PCCA: variants seen among roughly 807,000 people sequenced by gnomAD.
PCCA encodes propionyl-CoA carboxylase alpha chain, mitochondrial.
Under a neutral mutation model 101.3 loss-of-function variants are expected in PCCA, and 74 were observed. The ratio of observed to expected loss-of-function variants is 0.73; its 90% CI spans 0.61 to 0.89. The LOEUF is 0.89. Among genes scored for constraint, PCCA ranks in the 40% least tolerant of loss-of-function variants. The pLI is 0.00. For synonymous variants in PCCA, 294 were observed against 313.6 expected (o/e 0.94, Z 0.66); for missense variants, 891 against 907.0 (o/e 0.98, Z 0.23).
At chr13:100,230,089 T>A (rs1329313200) in intron 7 of PCCA, among the ~76,000 whole-genome samples, 1 of 152,234 alleles carries the variant, frequency 6.6e-6, no homozygotes, top group African/African-American at 2.4e-5. Flanking sequence ...TTGATTGCGT[T>A]AATTTGCTAA....
At chr13:100,184,741 T>TA (rs1878429803) in intron 6 of PCCA, among the ~76,000 whole-genome samples, 2 of 152,250 alleles carry the variant, frequency 1.3e-5, no homozygotes, top group Non-Finnish European at 2.9e-5. Flanking sequence ...GGGAATTTCA[T>TA]GTAATTTTAA....
At chr13:100,264,832 C>T (rs1309967528) in intron 10 of PCCA, among the ~76,000 whole-genome samples, 4 of 152,088 alleles carry the variant, frequency 2.6e-5, no homozygotes, top group Non-Finnish European at 4.4e-5. Flanking sequence ...TCCATTGATG[C>T]CACCCCTGCC....
Position 100,425,633 on chromosome 13 carries a change from G to A in PCCA, c.1747G>A (p.Val583Met). The A allele has an allele frequency of 1.2e-6, 2 of 1,609,134 alleles. No homozygotes were observed. The highest frequency in any genetic ancestry group is 1.7e-6 in the Non-Finnish European group (2 of 1,175,448). ...VASNNGSVFS[V>M]EVDGSKLNVT... is the part of the protein sequence containing the mutation. The stretch of plus-strand genomic sequence containing the variant: ...ATGGTCTTATTTGGTGTCACAACAG[G>A]TGGAAGTTGATGGGTCGAAACTAAA... The change falls in exon 20 of 24, where the codon GTG (valine) becomes ATG (methionine). Residue 583 changes from valine (V) to methionine (M), a missense_variant and splice_region_variant. Coordinates refer to ENST00000376285, the MANE Select transcript of PCCA (RefSeq NM_000282.4).
At chr13:100,178,756 C>G (rs2152426119) in intron 6 of PCCA, among the ~76,000 whole-genome samples, 1 of 152,154 alleles carries the variant, frequency 6.6e-6, no homozygotes, top group Admixed American at 6.5e-5. Context: ...AATTTAGACA[C>G]AAGATTTAGC....
chr13:100,515,115 A>AG (rs2086734616), intron 21 of PCCA, among the ~76,000 whole-genome samples: 1 of 152,202 alleles, frequency 6.6e-6, no homozygotes, highest in South Asian at 2.1e-4. Flanking sequence ...TAGGTGGTGA[A>AG]GGGAATACAA....
intron 6 of PCCA, among the ~76,000 whole-genome samples, chr13:100,176,468 G>A (rs1455730971): frequency 3.9e-5 from 6 of 152,080 alleles, no homozygotes; most frequent in African/African-American, 1.4e-4. Context: ...TTGCAAGAAG[G>A]TACGTTTTGA....
At chr13:100,492,587 G>C (rs987960451) in intron 21 of PCCA, among the ~76,000 whole-genome samples, 8 of 151,668 alleles carry the variant, frequency 5.3e-5, no homozygotes, top group Non-Finnish European at 1.5e-5. Flanking sequence ...GAAGAGGGTG[G>C]TTCCCCAGCA....
chr13:100,301,665 T>C, intron 13 of PCCA, 62 bp downstream of exon 13: 1 of 1,563,492 alleles, frequency 6.4e-7, no homozygotes, highest in Non-Finnish European at 8.8e-7. Flanking sequence ...AGACCTGGTA[T>C]AGCCAAACAA....
chr13:100,197,540 G>A (rs929132506), intron 6 of PCCA, among the ~76,000 whole-genome samples: 4 of 152,086 alleles, frequency 2.6e-5, no homozygotes, highest in Non-Finnish European at 5.9e-5. Flanking sequence ...TGTCTCCCAG[G>A]TTCAATAGAT....
At chr13:100,138,342 C>T (rs897854395) in intron 4 of PCCA, among the ~76,000 whole-genome samples, 2 of 151,790 alleles carry the variant, frequency 1.3e-5, no homozygotes, top group Non-Finnish European at 2.9e-5. Context: ...CATATTTTAC[C>T]ACCTTAATTG....
intron 12 of PCCA, among the ~76,000 whole-genome samples, chr13:100,275,388 C>T (rs894787953): frequency 6.6e-6 from 1 of 152,184 alleles, no homozygotes; most frequent in African/African-American, 2.4e-5. Flanking sequence ...TGCTGCTCCC[C>T]AGCCGTGGGG....
chr13:100,191,110 C>T (rs1243734240), intron 6 of PCCA, among the ~76,000 whole-genome samples: 2 of 152,114 alleles, frequency 1.3e-5, no homozygotes, highest in African/African-American at 2.4e-5. Context: ...CAAAACAAAA[C>T]GCCCTCCTCA....
intron 2 of PCCA, among the ~76,000 whole-genome samples, chr13:100,105,641 G>A (rs2047683091): frequency 8.3e-6 from 1 of 119,950 alleles, no homozygotes; most frequent in Non-Finnish European, 1.7e-5. Context: ...CCAGCCTGGC[G>A]AAACCCTGTC....
At chr13:100,472,679 G>C (rs1397862824) in intron 21 of PCCA, among the ~76,000 whole-genome samples, 2 of 152,014 alleles carry the variant, frequency 1.3e-5, no homozygotes, top group African/African-American at 4.8e-5. Flanking sequence ...GCTTTGGGGT[G>C]GTCTCTATTT....
intron 19 of PCCA, among the ~76,000 whole-genome samples, chr13:100,398,778 T>C (rs1342576520): frequency 6.6e-6 from 1 of 152,188 alleles, no homozygotes. Context: ...CATGCAATTT[T>C]TATTTCTCTT....
At chr13:100,169,613 C>T (rs142580202) in intron 6 of PCCA, among the ~76,000 whole-genome samples, 225 of 151,930 alleles carry the variant, frequency 1.5e-3, no homozygotes, top group African/African-American at 5.1e-3. Context: ...CTGCAATCTC[C>T]GTCTCCCAGG....
At chr13:100,185,212 C>CT (rs1322249853) in intron 6 of PCCA, among the ~76,000 whole-genome samples, 2 of 152,156 alleles carry the variant, frequency 1.3e-5, no homozygotes, top group East Asian at 3.8e-4. Flanking sequence ...CTTTCACCTC[C>CT]TTAATATGCA....
chr13:100,368,523 G>A lies in PCCA; in HGVS notation c.1695G>A (p.Leu565=), dbSNP rs1595621243. ...DIANWELSVK[L]HDKVHTVVAS... is the part of the protein sequence containing the mutation. Reference sequence around the variant, plus strand: ...CCAACTGGGAGCTCTCAGTAAAATTGCATGATAAAGTTCATACCGTAGTAG... The same window carrying A: ...CCAACTGGGAGCTCTCAGTAAAATTACATGATAAAGTTCATACCGTAGTAG... The change falls in exon 19 of 24, where the codon TTG becomes TTA. Residue 565 remains leucine, a synonymous_variant. Coordinates refer to ENST00000376285, the MANE Select transcript of PCCA (RefSeq NM_000282.4). 1.2e-6 allele frequency: 2 copies of A among 1,611,308 alleles called. No homozygotes were observed. The highest frequency in any genetic ancestry group is 1.1e-5 in the South Asian group (1 of 90,904).
chr13:100,363,350 T>TC (rs766968460), intron 18 of PCCA, among the ~76,000 whole-genome samples: 1 of 151,790 alleles, frequency 6.6e-6, no homozygotes, highest in Non-Finnish European at 1.5e-5. Flanking sequence ...TGTCTAAACA[T>TC]CTCTCTCTCC....
Sources: gnomAD v4.1 joint callset for allele counts (sites outside exome capture counted in the v4.1 genomes callset) on GRCh38, gnomAD v4.1.1 for gene constraint, MANE v1.5 for transcripts, NCBI Gene and HGNC (gene_info 2026-07-23, HGNC 2026-07-21) for gene names.